The following ANO9 variants were observed in gnomAD, a reference collection of about 807,000 sequenced individuals.
ANO9 encodes anoctamin-9.
Under a neutral mutation model 100.5 loss-of-function variants are expected in ANO9, and 80 were observed. The observed-to-expected ratio is 0.80, with a 90% CI of 0.66 to 0.96. ANO9 has a LOEUF of 0.96. Among genes scored for constraint, ANO9 ranks in the 40% least tolerant of loss-of-function variants. The probability of loss-of-function intolerance (pLI) is 0.00; values close to 1 mark genes in which losing one functional copy is unlikely to be tolerated. For synonymous variants in ANO9, 473 were observed against 435.6 expected, an observed-to-expected ratio of 1.09 and a Z score of -1.07; for missense variants, 1,064 against 1,072.7, an observed-to-expected ratio of 0.99 and a Z score of 0.11.
chr11:438,692 G>T (rs957330129), intron 1 of ANO9, among the ~76,000 whole-genome samples: 4 of 151,996 alleles, frequency 2.6e-5, no homozygotes, highest in African/African-American at 9.7e-5. Context: ...CGTCTCCAGG[G>T]CCAGTGTTTA....
At chr11:433,060 C>G (rs1415466528) in intron 4 of ANO9, 1 of 509,510 alleles carries the variant, frequency 2.0e-6, no homozygotes, top group African/African-American at 2.0e-5. Flanking sequence ...GACTGTGTCC[C>G]CAGGAACACA....
At chr11:434,438 G>A (rs373968221) in intron 1 of ANO9, among the ~76,000 whole-genome samples, 52 of 152,350 alleles carry the variant, frequency 3.4e-4, no homozygotes, top group African/African-American at 1.2e-3. Context: ...CCAAGGAAAC[G>A]CAGGTCAGAG....
chr11:430,158 G>C lies in ANO9; in HGVS notation c.696C>G (p.His232Gln). The C allele has an allele frequency of 6.4e-7, 1 of 1,552,754 alleles. No individual in the cohort carries two copies. Among genetic ancestry groups the C allele is most frequent in the Admixed American group, 1.9e-5 (1 of 51,604 alleles). The change falls in exon 9 of 23, where the codon CAC (histidine) becomes CAG (glutamine). Residue 232 changes from histidine to glutamine, a missense_variant. By Grantham distance (24) the His-to-Gln change is conservative (BLOSUM62 0). Coordinates refer to ENST00000332826, the MANE Select transcript of ANO9 (RefSeq NM_001012302.3). Reference sequence around the variant, plus strand: ...CGCCGAGGGGACACATGAGGATGTCGTGGGCCTCACAGATCTCCTTGCTGA... The same window carrying C: ...CGCCGAGGGGACACATGAGGATGTCCTGGGCCTCACAGATCTCCTTGCTGA... Reference protein sequence around the residue: ...SQISKEICEAHDILMCPLGDH... With the variant: ...SQISKEICEAQDILMCPLGDH...
Position 432,210 on chromosome 11 carries a change from C to T in ANO9, c.351-156G>A. On this transcript the variant is annotated intron_variant, in intron 4 of 22. Transcript: ENST00000332826. The surrounding 1 kb of genome is among the most constrained non-coding windows in gnomAD (Gnocchi z 4.8). ...ACCAGAGCCCAGAATCCACAACTCA[C>T]CCGGGAGCCCACCCCGCACCCTCCT... is the stretch of plus-strand genomic sequence containing the variant. 1 of 768,760 alleles carries T rather than the reference C, an allele frequency of 1.3e-6. No homozygotes were observed. The highest frequency in any genetic ancestry group is 2.1e-6 in the Non-Finnish European group (1 of 479,294). The allele number at this position is 768,760 out of a possible 1,614,324, so 47.6% of individuals were successfully genotyped here. A position where few individuals can be genotyped will look rare whatever the true frequency, so the allele number is the denominator to read the frequency against.
Position 420,584 on chromosome 11 carries a change from C to A in ANO9, c.1665G>T (p.Val555=). The A allele has an allele frequency of 6.2e-7, 1 of 1,605,228 alleles. No individual in the cohort carries two copies. Among genetic ancestry groups the A allele is most frequent in the Admixed American group, 1.7e-5 (1 of 59,956 alleles). The change falls in exon 19 of 23, where the codon GTG becomes GTT. Residue 555 remains valine (V), a synonymous_variant. Coordinates refer to ENST00000332826, the MANE Select transcript of ANO9 (RefSeq NM_001012302.3). ...MIQYGFTTIF[V]AAFPLAPLLA... ...GCAGCGGCGCCAGCGGGAAGGCGGC[C>A]ACGAAGATGGTGGTGAAGCCGTACT... is the stretch of plus-strand genomic sequence containing the variant.
chr11:418,752 C>T lies in ANO9; in HGVS notation c.2098G>A (p.Ala700Thr). The T allele has an allele frequency of 6.2e-7, 1 of 1,613,008 alleles. No individual in the cohort carries two copies. Residue 700 changes from alanine (A) to threonine (T), a missense_variant, in exon 22 of 23, where the codon GCC becomes ACC. Physicochemically the swap from Ala to Thr is moderately conservative, Grantham distance 58 (BLOSUM62 0). Coordinates refer to ENST00000332826, the MANE Select transcript of ANO9 (RefSeq NM_001012302.3). ...NFSEQFWFLLAIRLAFVILFE... is the reference protein window; with the variant it reads ...NFSEQFWFLLTIRLAFVILFE... ...AGGATGACGAAGGCCAGGCGGATGG[C>T]CAGGAGGAACCAGAACTGCTCGGAG...
intron 15 of ANO9, among the ~76,000 whole-genome samples, chr11:427,847 T>A (rs566121044): frequency 1.5e-4 from 23 of 150,968 alleles, no homozygotes; most frequent in Admixed American, 2.6e-4. Context: ...CCAGTGCTGT[T>A]ATGCGCCTGC....
chr11:420,018 CA>C, intron 19 of ANO9: 1 of 1,353,796 alleles, frequency 7.4e-7, no homozygotes, highest in Non-Finnish European at 9.5e-7. Flanking sequence ...CCTGGGTTCC[CA>C]CCCCAGGGTA....
At chr11:436,707 A>AGGGAGTGAGCAGGAGGTGAGCT (rs1849586267) in intron 1 of ANO9, among the ~76,000 whole-genome samples, 2 of 61,276 alleles carry the variant, frequency 3.3e-5, no homozygotes, top group Admixed American at 1.9e-4. Flanking sequence ...GGGGGTAAGC[A>AGGGAGTGAGCAGGAGGTGAGCT]GGGGGTGAGC....
At chr11:418,863 TC>T in intron 21 of ANO9, 24 bp downstream of exon 21, 2 of 1,613,494 alleles carry the variant, frequency 1.2e-6, no homozygotes, top group Non-Finnish European at 1.7e-6. Context: ...CAGAGGGCAT[TC>T]TTGGGGGATG....
chr11:429,880 C>A, intron 9 of ANO9, 62 bp from the exon 10 acceptor site: 1 of 1,271,522 alleles, frequency 7.9e-7, no homozygotes, highest in Non-Finnish European at 1.0e-6. Context: ...GGCAGGTGAG[C>A]CAGGGAGGGA....
intron 20 of ANO9, chr11:419,304 T>G: frequency 7.1e-7 from 1 of 1,407,108 alleles, no homozygotes; most frequent in Non-Finnish European, 9.2e-7. Context: ...GAACCTCACA[T>G]CGGGAGGGAG....
At chr11:437,176 G>A (rs1462728326) in intron 1 of ANO9, among the ~76,000 whole-genome samples, 3 of 151,998 alleles carry the variant, frequency 2.0e-5, no homozygotes, top group Non-Finnish European at 2.9e-5. Flanking sequence ...GATCTCGGCT[G>A]CTCCTTATGA....
intron 9 of ANO9, 127 bp downstream of exon 9, chr11:429,956 T>TC: frequency 7.7e-7 from 1 of 1,306,038 alleles, no homozygotes; most frequent in East Asian, 2.5e-5. Context: ...GGGCTGGGCC[T>TC]CCCCGTCAGC....
At chr11:423,885 T>TCACACACACATA (rs1554930431) in intron 15 of ANO9, among the ~76,000 whole-genome samples, 4 of 143,306 alleles carry the variant, frequency 2.8e-5, no homozygotes, top group African/African-American at 1.0e-4. Flanking sequence ...AGTTGAATAC[T>TCACACACACATA]CACACACACA....
chr11:418,856 A>G (rs371131273), intron 21 of ANO9, 32 bp downstream of exon 21: 1 of 1,613,468 alleles, frequency 6.2e-7, no homozygotes, highest in Non-Finnish European at 8.5e-7. Flanking sequence ...AGGAGTTCAG[A>G]GGGCATTCTT....
chr11:434,908 T>G (rs1192377361), intron 1 of ANO9, among the ~76,000 whole-genome samples: 2 of 152,162 alleles, frequency 1.3e-5, no homozygotes, highest in East Asian at 3.8e-4. Flanking sequence ...TCACACCTGG[T>G]CCCTGCACCT....
At position 432,971 on chromosome 11, in the gene ANO9, T is replaced by A; in HGVS notation, c.350+343A>T. 1 of 274,602 alleles carries A rather than the reference T, an allele frequency of 3.6e-6. No homozygotes were observed. Among genetic ancestry groups the A allele is most frequent in the Non-Finnish European group, 6.8e-6 (1 of 147,688 alleles). 17.0% of individuals were successfully genotyped at this position (274,602 alleles called of 1,614,324 possible). On this transcript the variant is annotated intron_variant, in intron 4 of 22. Transcript: ENST00000332826. The surrounding 1 kb of genome is among the most constrained non-coding windows in gnomAD (Gnocchi z 4.8). ...GGGCATCGGAACTGGAGAGGAGGGG[T>A]CTTCAAGAGACACTGGCCTTGATCC... is the stretch of plus-strand genomic sequence containing the variant.
intron 19 of ANO9, 26 bp downstream of exon 19, chr11:420,437 C>A: frequency 6.3e-7 from 1 of 1,596,634 alleles, no homozygotes. Context: ...CCAGTTCCCG[C>A]CCATCCTGCG....
Sources: allele counts gnomAD v4.1 joint callset (sites outside exome capture counted in the v4.1 genomes callset), GRCh38; gene constraint gnomAD v4.1.1; non-coding constraint Gnocchi (gnomAD v3.1); transcripts MANE v1.5; gene names NCBI Gene and HGNC (gene_info 2026-07-23, HGNC 2026-07-21).